Variants in HBP1 observed in about 807,000 individuals in gnomAD.
HBP1 encodes HMG box-containing protein 1.
HBP1 carries 20 observed loss-of-function variants against 62.6 expected under a neutral mutation model. That is an observed-to-expected ratio of 0.32 (90% CI 0.22 to 0.46). HBP1 has a LOEUF of 0.46. HBP1 is among the 20% of genes least tolerant of loss of function. HBP1 has a pLI of 1.00. For synonymous variants in HBP1, 232 were observed against 206.2 expected (o/e 1.12, Z -1.07); for missense variants, 480 against 611.8 (o/e 0.78, Z 2.27).
Position 107,182,493 on chromosome 7 carries a change from A to G in HBP1, c.290A>G (p.Asp97Gly), listed in dbSNP as rs143622240. 1.8e-4 allele frequency: 287 copies of G among 1,612,956 alleles called. No individual in the cohort carries two copies. In the African/African-American group the frequency reaches 3.3e-3, roughly 19 times the overall value. ...TCATCTTGGAACCAAAATACCTCAG[A>G]CATACCAGAAACTACTTACCGTGAA... ...PRSSWNQNTSDIPETTYRENE... is the reference protein window; with the variant it reads ...PRSSWNQNTSGIPETTYRENE... The change falls in exon 3 of 11, where the codon GAC (aspartate) becomes GGC (glycine). Residue 97 changes from aspartate (D) to glycine (G), a missense_variant. By Grantham distance (94) the Asp-to-Gly change is moderately conservative. This residue lies in a region of HBP1 where 304 missense variants were observed against 330.9 expected (regional missense o/e 0.92). Coordinates refer to ENST00000222574, the MANE Select transcript of HBP1 (RefSeq NM_012257.4).
At chr7:107,197,999 C>T (rs910239064) in intron 9 of HBP1, among the ~76,000 whole-genome samples, 18 of 152,098 alleles carry the variant, frequency 1.2e-4, no homozygotes, top group Non-Finnish European at 2.9e-5. Context: ...TATCCTTTGA[C>T]ATCTAGAAAC....
chr7:107,174,999 C>T (rs951182000), intron 1 of HBP1, among the ~76,000 whole-genome samples: 1 of 151,980 alleles, frequency 6.6e-6, no homozygotes, highest in Non-Finnish European at 1.5e-5. Context: ...AATAAGGAAT[C>T]TGCACTGAGA....
rs1351490604 is a variant in HBP1 at position 107,201,530 on chromosome 7, G to T, written c.*99G>T. 8.8e-6 allele frequency: 6 copies of T among 685,054 alleles called. No homozygotes were observed. Among genetic ancestry groups the T allele is most frequent in the Admixed American group, 2.3e-5 (1 of 43,482 alleles). The allele number at this position is 685,054 out of a possible 1,614,324, so 42.4% of individuals were successfully genotyped here. A position where few individuals can be genotyped will look rare whatever the true frequency, so the allele number is the denominator to read the frequency against. On this transcript the variant is annotated 3_prime_UTR_variant, in exon 11 of 11. Transcript: ENST00000222574. The stretch of plus-strand genomic sequence containing the variant: ...AGGTCTCACCATTTGTCCTCAATTC[G>T]TGTGACCATAAGATACTGATAGCAT...
chr7:107,171,073 A>ATATATATTTTTTT lies in HBP1; in HGVS notation c.-16+1889_-16+1890insATATATTTTTTTT. ...TATATATATATATATATATATATAT[A>ATATATATTTTTTT]TTTTTTTTTTTTTTTGAGAGGGAGT... On this transcript the variant is annotated intron_variant, in intron 1 of 10. Coordinates refer to ENST00000222574, the MANE Select transcript of HBP1 (RefSeq NM_012257.4). Among the ~76,000 whole-genome samples, 17 of 87,198 alleles carry ATATATATTTTTTT rather than the reference A, an allele frequency of 1.9e-4. 1 individual carries two copies. Among genetic ancestry groups the ATATATATTTTTTT allele is most frequent in the African/African-American group, 6.0e-4 (9 of 15,124 alleles). 57.2% of individuals were successfully genotyped at this position (87,198 alleles called of 152,430 possible).
chr7:107,171,486 G>A (rs1271830182), intron 1 of HBP1, among the ~76,000 whole-genome samples: 2 of 152,056 alleles, frequency 1.3e-5, no homozygotes, highest in Non-Finnish European at 2.9e-5. Context: ...GTTCTTCAGG[G>A]TGAATTGCAA....
chr7:107,172,463 C>G (rs1369415082), intron 1 of HBP1, among the ~76,000 whole-genome samples: 1 of 152,024 alleles, frequency 6.6e-6, no homozygotes, highest in Non-Finnish European at 1.5e-5. Flanking sequence ...TTTAGGAAAA[C>G]AAGTTTCATA....
At chr7:107,172,544 T>A (rs1796649978) in intron 1 of HBP1, among the ~76,000 whole-genome samples, 1 of 152,190 alleles carries the variant, frequency 6.6e-6, no homozygotes, top group Non-Finnish European at 1.5e-5. Flanking sequence ...CTTATTTGAA[T>A]TGACAGTACT....
intron 3 of HBP1, among the ~76,000 whole-genome samples, chr7:107,184,243 A>G (rs1009178572): frequency 3.3e-5 from 5 of 152,222 alleles, no homozygotes; most frequent in African/African-American, 9.6e-5. Flanking sequence ...TAAATGTGTA[A>G]TAACAGGATG....
chr7:107,194,686 T>A lies in HBP1; in HGVS notation c.1068-1148T>A, dbSNP rs1350446073. 2.6e-5 allele frequency among the ~76,000 whole-genome samples: 4 copies of A among 152,340 alleles called. No homozygotes were observed. In the East Asian group the frequency reaches 7.7e-4, roughly 29 times the overall value. The stretch of plus-strand genomic sequence containing the variant: ...GTAGATGGTATTCCTGTAGCTAATA[T>A]TAAACTATTTTGATGTATTACCGGA... On this transcript the variant is annotated intron_variant, in intron 8 of 10. Transcript: ENST00000222574.
chr7:107,202,152 T>TAACA lies in HBP1; in HGVS notation c.*726_*729dup, dbSNP rs539124790. ...GATATAGTCACTGTAATGGTGCTAT[T>TAACA]AACAAACAGTCAACACCATTGTATT... On this transcript the variant is annotated 3_prime_UTR_variant, in exon 11 of 11. Transcript: ENST00000222574. 14 of 152,798 alleles carry TAACA rather than the reference T, an allele frequency of 9.2e-5. No homozygotes were observed. The highest frequency in any genetic ancestry group is 1.9e-4 in the East Asian group (1 of 5,188). The allele number at this position is 152,798 out of a possible 1,614,324, so 9.5% of individuals were successfully genotyped here. A position where few individuals can be genotyped will look rare whatever the true frequency, so the allele number is the denominator to read the frequency against.
rs561282488 is a variant in HBP1 at position 107,175,717 on chromosome 7, T to C, written c.-15-4162T>C. On this transcript the variant is annotated intron_variant, in intron 1 of 10. Coordinates refer to ENST00000222574, the MANE Select transcript of HBP1 (RefSeq NM_012257.4). The stretch of plus-strand genomic sequence containing the variant: ...CTCATTGGGAGACCTCCCTCTCTTC[T>C]TTTTTTTTTTTTTTTTTGAGACGGA... 3.6e-3 allele frequency among the ~76,000 whole-genome samples: 485 copies of C among 135,350 alleles called. 2 individuals are homozygous for C. Among genetic ancestry groups the C allele is most frequent in the South Asian group, 0.017 (73 of 4,376 alleles). The allele number at this position is 135,350 out of a possible 152,430, so 88.8% of individuals were successfully genotyped here.
chr7:107,174,411 G>A (rs762464905), intron 1 of HBP1: 5 of 937,808 alleles, frequency 5.3e-6, no homozygotes, highest in Non-Finnish European at 5.1e-6. Context: ...GCTCTGTTTT[G>A]AAATTAAAAT....
chr7:107,189,589 T>C, intron 7 of HBP1, 141 bp downstream of exon 7: 1 of 618,402 alleles, frequency 1.6e-6, no homozygotes, highest in Non-Finnish European at 2.8e-6. Context: ...CCATAGGGAA[T>C]GCTTATAATA....
chr7:107,181,383 G>A (rs552359683), intron 2 of HBP1, among the ~76,000 whole-genome samples: 4 of 152,124 alleles, frequency 2.6e-5, no homozygotes, highest in African/African-American at 9.6e-5. Context: ...GAGGCGTGAG[G>A]ATCATTTGAG....
At chr7:107,193,794 C>T (rs1797762183) in intron 8 of HBP1, among the ~76,000 whole-genome samples, 1 of 152,138 alleles carries the variant, frequency 6.6e-6, no homozygotes. Context: ...TCTGGACTGC[C>T]TGGATTCAAA....
rs745787388 is a variant in HBP1, at chr7:107,190,327, GATTA to G, written c.1067+14_1067+17del. The G allele has an allele frequency of 8.9e-6, 14 of 1,578,754 alleles. No homozygotes were observed. Among genetic ancestry groups the G allele is most frequent in the Middle Eastern group, 1.7e-4 (1 of 5,988 alleles). On this transcript the variant is annotated intron_variant, in intron 8 of 10. Transcript: ENST00000222574. ...TTGATACATTTAAAAGGTAATATTG[GATTA>G]ATTCTTTGTTTTATTTTCCTCTTAA... is the stretch of plus-strand genomic sequence containing the variant.
chr7:107,200,422 T>C, intron 10 of HBP1, 121 bp downstream of exon 10: 1 of 671,764 alleles, frequency 1.5e-6, no homozygotes, highest in Non-Finnish European at 2.4e-6. Context: ...AGCATTTTTA[T>C]ACTTCAAAAC....
At chr7:107,171,032 CATAT>C (rs1199838775) in intron 1 of HBP1, among the ~76,000 whole-genome samples, 6 of 118,156 alleles carry the variant, frequency 5.1e-5, no homozygotes, top group Non-Finnish European at 8.3e-5. Flanking sequence ...AAATATATAA[CATAT>C]ACATGTATAA....
At position 107,201,426 on chromosome 7, in the gene HBP1, C is replaced by T. The variant is rs776238759; in HGVS notation, c.1540C>T (p.His514Tyr). Reference sequence around the variant, plus strand: ...TTTATTTCCACAGGGCTCACAACAACATTAAACCAGGATGCTTATGTTCTT... The same window carrying T: ...TTTATTTCCACAGGGCTCACAACAATATTAAACCAGGATGCTTATGTTCTT... ...RKRTNSGSQQH is the reference protein window; with the variant it reads ...RKRTNSGSQQY Residue 514 changes from histidine to tyrosine, a missense_variant, in exon 11 of 11, where the codon CAT becomes TAT. Around this residue, in one of 4 missense-constraint regions of HBP1, gnomAD observed 52 missense variants for 96.0 expected, o/e 0.54. Transcript: ENST00000222574. 6.2e-5 allele frequency: 98 copies of T among 1,576,562 alleles called. No individual in the cohort carries two copies. In the South Asian group the frequency reaches 8.6e-4, roughly 14 times the overall value.
Sources: gnomAD v4.1 joint callset for allele counts (sites outside exome capture counted in the v4.1 genomes callset) on GRCh38, gnomAD v4.1.1 for gene constraint, gnomAD v4.1.1 regional missense constraint, MANE v1.5 for transcripts, NCBI Gene and HGNC (gene_info 2026-07-23, HGNC 2026-07-21) for gene names.